Variants in MYO19 observed in about 807,000 individuals in gnomAD.
MYO19 encodes the protein myosin XIX.
MYO19 carries 132 observed loss-of-function variants against 129.2 expected under a neutral mutation model. That is an observed-to-expected ratio of 1.02 (90% CI 0.89 to 1.18). The LOEUF is 1.18. MYO19 is among the 50% of genes most tolerant of loss of function. The probability of loss-of-function intolerance (pLI) is 0.00; values close to 1 mark genes in which losing one functional copy is unlikely to be tolerated. For synonymous variants in MYO19, 531 were observed against 477.2 expected, an observed-to-expected ratio of 1.11 and a Z score of -1.47; for missense variants, 1,210 against 1,216.7, an observed-to-expected ratio of 0.99 and a Z score of 0.08.
At chr17:36,511,553 G>A in intron 11 of MYO19, 98 bp from the exon 12 acceptor site, 1 of 1,074,378 alleles carries the variant, frequency 9.3e-7, no homozygotes, top group East Asian at 2.6e-5. Flanking sequence ...GACAGCAGAA[G>A]GGCAGCTCCC....
At chr17:36,508,820 T>A (rs944746791) in intron 14 of MYO19, 2 of 537,524 alleles carry the variant, frequency 3.7e-6, no homozygotes, top group African/African-American at 3.8e-5. Context: ...AAGGGCTCTT[T>A]CAGACAAGGC....
chr17:36,507,923 G>A lies in MYO19; in HGVS notation c.1233C>T (p.Gly411=). Residue 411 remains glycine, a splice_region_variant and synonymous_variant, in exon 15 of 26, where the codon GGC becomes GGT. Coordinates refer to ENST00000614623, the MANE Select transcript of MYO19 (RefSeq NM_001163735.2). ...ADTDSWTTFI[G]LLDVYGFESF... is the part of the protein sequence containing the mutation. ...ATTCAAATCCATACACATCCAGCAG[G>A]CCTGGGAAGATGGCAGAGAACCCAT... 4 of 1,597,452 alleles carry A rather than the reference G, an allele frequency of 2.5e-6. No individual in the cohort carries two copies. Among genetic ancestry groups the A allele is most frequent in the Non-Finnish European group, 3.4e-6 (4 of 1,168,868 alleles).
intron 6 of MYO19, among the ~76,000 whole-genome samples, chr17:36,519,495 A>G (rs1168563239): frequency 1.3e-5 from 2 of 152,124 alleles, no homozygotes; most frequent in Non-Finnish European, 2.9e-5. Context: ...TAAATCTACC[A>G]TCTTATTTTT....
At chr17:36,538,943 G>A (rs2074179862), upstream of MYO19, 1 of 198,786 alleles carries the variant, frequency 5.0e-6, no homozygotes, top group South Asian at 1.4e-4. Context: ...TAGTAGAGAT[G>A]GGGTTTTGCC....
intron 11 of MYO19, chr17:36,513,181 A>G: frequency 1.4e-6 from 2 of 1,418,330 alleles, no homozygotes; most frequent in Non-Finnish European, 1.8e-6. Flanking sequence ...CTCTGCCCCC[A>G]TGGATCACTT....
chr17:36,523,867 G>A (rs548926509), intron 6 of MYO19, among the ~76,000 whole-genome samples: 1 of 152,312 alleles, frequency 6.6e-6, no homozygotes, highest in African/African-American at 2.4e-5. Context: ...TAAAAGATGT[G>A]CAAGTAACTG....
At chr17:36,538,572 G>A (rs755871011), upstream of MYO19, 1 of 1,613,216 alleles carries the variant, frequency 6.2e-7, no homozygotes, top group Admixed American at 1.7e-5. Context: ...CTGTTTAATT[G>A]TATATGTACT....
chr17:36,511,315 C>T (rs1477337887), intron 12 of MYO19, 50 bp downstream of exon 12: 2 of 1,541,202 alleles, frequency 1.3e-6, no homozygotes, highest in South Asian at 1.2e-5. Flanking sequence ...CCCAGCAATG[C>T]TGGCTACCTT....
chr17:36,515,994 TG>T lies in MYO19; in HGVS notation c.415-5del. On this transcript the variant is annotated splice_polypyrimidine_tract_variant and splice_region_variant and intron_variant, in intron 6 of 25. Coordinates refer to ENST00000614623, the MANE Select transcript of MYO19 (RefSeq NM_001163735.2). ...TTAGGCAGCGAGACGTCCATGTCTG[TG>T]GCAGAAACAGCCCTGTGGGAGCTGT... 2 of 1,607,896 alleles carry T rather than the reference TG, an allele frequency of 1.2e-6. No homozygotes were observed. The highest frequency in any genetic ancestry group is 1.7e-4 in the Middle Eastern group (1 of 5,908).
At chr17:36,518,424 G>A (rs2072896988) in intron 6 of MYO19, among the ~76,000 whole-genome samples, 1 of 139,176 alleles carries the variant, frequency 7.2e-6, no homozygotes, top group Admixed American at 7.5e-5. Flanking sequence ...GAACCCAGGA[G>A]GTGGAGGTTG....
rs765235260 is a variant in MYO19 at position 36,498,518 on chromosome 17, C to A, written c.2505G>T (p.Val835=). 1.8e-5 allele frequency: 29 copies of A among 1,613,972 alleles called. No individual in the cohort carries two copies. In the East Asian group the frequency reaches 6.5e-4, roughly 36 times the overall value. ...GAGCTTGAGAGAAGTGTTTTTCTTC[C>A]ACACCATCCAGCTCTTTAGCAGCAA... ...ACLAAKELDG[V]EEKHFSQAPC... Residue 835 remains valine (V), a synonymous_variant, in exon 25 of 26, where the codon GTG becomes GTT. Coordinates refer to ENST00000614623, the MANE Select transcript of MYO19 (RefSeq NM_001163735.2).
chr17:36,544,498 C>A (rs1207228594), upstream of MYO19, among the ~76,000 whole-genome samples: 2 of 152,236 alleles, frequency 1.3e-5, no homozygotes, highest in African/African-American at 2.4e-5. Flanking sequence ...CTTCTCGCAA[C>A]CTATCCAGGT....
chr17:36,507,779 C>A (rs1389565091), intron 15 of MYO19, 24 bp downstream of exon 15: 3 of 1,579,470 alleles, frequency 1.9e-6, no homozygotes, highest in Non-Finnish European at 2.6e-6. Context: ...GAAGGACCTG[C>A]CTCCTGCTCA....
In MYO19 at chr17:36,515,145, G is replaced by A. The variant is rs1288619984; in HGVS notation, c.585C>T (p.Arg195=). ...GCTGGAGCTGGATGAACTTCCCAAA[G>A]CGACTGCTGTTGTTATTCCTCAGTG... ...ACTLRNNNSS[R]FGKFIQLQLN... The change falls in exon 8 of 26, where the codon CGC becomes CGT. Residue 195 remains arginine, a synonymous_variant. Transcript: ENST00000614623. 1 of 1,612,298 alleles carries A rather than the reference G, an allele frequency of 6.2e-7. No individual in the cohort carries two copies. Among genetic ancestry groups the A allele is most frequent in the Non-Finnish European group, 8.5e-7 (1 of 1,179,248 alleles).
At chr17:36,526,741 G>C (rs539197085) in intron 5 of MYO19, among the ~76,000 whole-genome samples, 1 of 152,078 alleles carries the variant, frequency 6.6e-6, no homozygotes, top group South Asian at 2.1e-4. Flanking sequence ...ACAAAAATTA[G>C]CCGGGCATGG....
At chr17:36,517,174 A>G (rs1404235480) in intron 6 of MYO19, among the ~76,000 whole-genome samples, 1 of 152,212 alleles carries the variant, frequency 6.6e-6, no homozygotes, top group Non-Finnish European at 1.5e-5. Flanking sequence ...TAAGATCTAT[A>G]TTGATGTCTA....
At chr17:36,536,639 A>G (rs1379286928), upstream of MYO19, among the ~76,000 whole-genome samples, 2 of 147,688 alleles carry the variant, frequency 1.4e-5, no homozygotes, top group Non-Finnish European at 3.0e-5. Context: ...CTCAGCCTCT[A>G]AAGTAGCTGG....
intron 20 of MYO19, among the ~76,000 whole-genome samples, chr17:36,503,450 T>C (rs1393016253): frequency 6.6e-6 from 1 of 152,174 alleles, no homozygotes; most frequent in Non-Finnish European, 1.5e-5. Context: ...ACACAAAGCA[T>C]CTCTTGTGTT....
In MYO19 at chr17:36,498,426, A is replaced by G. The variant is rs779840306; in HGVS notation, c.2597T>C (p.Leu866Pro). The part of the protein sequence containing the change: ...LLEAIIRLWP[L>P]GLVLANTAMG... ...AGCCGTATTGGCCAGGACCAGTCCC[A>G]GGGGCCAGAGGCGGATTATTGCCTC... Residue 866 changes from leucine to proline, a missense_variant, in exon 25 of 26, where the codon CTG (leucine) becomes CCG (proline). Physicochemically the swap from Leu to Pro is moderately conservative, Grantham distance 98 (BLOSUM62 -3). Coordinates refer to ENST00000614623, the MANE Select transcript of MYO19 (RefSeq NM_001163735.2). 25 of 1,613,918 alleles carry G rather than the reference A, an allele frequency of 1.5e-5. No homozygotes were observed. Among genetic ancestry groups the G allele is most frequent in the Non-Finnish European group, 1.8e-5 (21 of 1,179,888 alleles).
Sources: allele counts gnomAD v4.1 joint callset (sites outside exome capture counted in the v4.1 genomes callset), GRCh38; gene constraint gnomAD v4.1.1; transcripts MANE v1.5; gene names NCBI Gene and HGNC (gene_info 2026-07-23, HGNC 2026-07-21).